Variants in PARD3 observed in about 807,000 individuals in gnomAD.
PARD3 encodes par-3 family cell polarity regulator.
In PARD3, 75 loss-of-function variants were observed where a neutral mutation model predicts 155.4. The observed-to-expected ratio is 0.48, with a 90% CI of 0.40 to 0.58. The LOEUF (loss-of-function observed/expected upper bound fraction) is 0.58, where lower values mean the gene tolerates loss of function less well. PARD3 is among the 20% of genes least tolerant of loss of function. PARD3 has a pLI of 0.00. For synonymous variants in PARD3, 576 were observed against 610.5 expected (o/e 0.94, Z 0.83); for missense variants, 1,642 against 1,721.7 (o/e 0.95, Z 0.82).
chr10:34,619,397 T>TA (rs1477023310), intron 2 of PARD3, among the ~76,000 whole-genome samples: 1 of 152,130 alleles, frequency 6.6e-6, no homozygotes, highest in African/African-American at 2.4e-5. Flanking sequence ...CACCTTCTCC[T>TA]AAAAAATTGT....
chr10:34,697,162 A>T (rs953595527), intron 1 of PARD3, among the ~76,000 whole-genome samples: 1 of 152,228 alleles, frequency 6.6e-6, no homozygotes, highest in South Asian at 2.1e-4. Context: ...CGTATATTTT[A>T]AAATCCTTAA....
At chr10:34,417,061 C>A (rs1321821471) in intron 5 of PARD3, among the ~76,000 whole-genome samples, 1 of 152,174 alleles carries the variant, frequency 6.6e-6, no homozygotes, top group South Asian at 2.1e-4. Context: ...ATGGTTCCCA[C>A]ACCCCTATGA....
chr10:34,344,567 C>A (rs1837202985), intron 15 of PARD3: 1 of 984,064 alleles, frequency 1.0e-6, no homozygotes, highest in Middle Eastern at 5.2e-4. Flanking sequence ...CAGGCATAAG[C>A]CACTGTGCCC....
intron 22 of PARD3, among the ~76,000 whole-genome samples, chr10:34,241,756 C>T (rs939089897): frequency 9.9e-5 from 15 of 152,038 alleles, no homozygotes; most frequent in African/African-American, 2.4e-4. Context: ...CAGGAGGGAG[C>T]GAGGTCTCAA....
intron 5 of PARD3, among the ~76,000 whole-genome samples, chr10:34,413,404 GGTCTTTT>G: frequency 2.0e-5 from 3 of 150,810 alleles, no homozygotes; most frequent in East Asian, 3.9e-4. Flanking sequence ...AAGTCAGCTC[GGTCTTTT>G]GTTATTCAGA....
intron 1 of PARD3, among the ~76,000 whole-genome samples, chr10:34,736,328 C>T (rs1415527681): frequency 3.6e-5 from 4 of 111,182 alleles, no homozygotes; most frequent in African/African-American, 1.2e-4. Flanking sequence ...CTGCGCCTGG[C>T]CCTTTTTTTT....
chr10:34,639,333 T>C (rs1417815974), intron 2 of PARD3, among the ~76,000 whole-genome samples: 4 of 151,336 alleles, frequency 2.6e-5, no homozygotes, highest in East Asian at 3.9e-4. Flanking sequence ...GAGGCAAAGG[T>C]TGCTGTGAGC....
At chr10:34,490,825 A>G (rs2079851246) in intron 3 of PARD3, among the ~76,000 whole-genome samples, 1 of 152,146 alleles carries the variant, frequency 6.6e-6, no homozygotes, top group South Asian at 2.1e-4. Flanking sequence ...CTAACACTTC[A>G]CCAGTCATTA....
chr10:34,559,945 T>G (rs1355667163), intron 2 of PARD3, among the ~76,000 whole-genome samples: 2 of 152,046 alleles, frequency 1.3e-5, no homozygotes, highest in Admixed American at 1.3e-4. Context: ...TTAAAATGAG[T>G]CAGTGAAGAG....
Position 34,331,298 on chromosome 10 carries a change from T to G in PARD3, c.2652A>C (p.Ser884=). 1 of 1,613,980 alleles carries G rather than the reference T, an allele frequency of 6.2e-7. No individual in the cohort carries two copies. The highest frequency in any genetic ancestry group is 1.3e-5 in the African/African-American group (1 of 75,002). ...CGGTCTGCAGACTCTCCAACGAGCT[T>G]GACTTCTTCAGACCCAGGGAAGGAC... is the stretch of plus-strand genomic sequence containing the variant. The part of the protein sequence containing the change: ...DVGPSLGLKK[S]SSLESLQTAV... The change falls in exon 19 of 25, where the codon TCA becomes TCC. Residue 884 remains serine (S), a synonymous_variant. Coordinates refer to ENST00000374788, the MANE Select transcript of PARD3 (RefSeq NM_001184785.2).
intron 20 of PARD3, among the ~76,000 whole-genome samples, chr10:34,306,660 T>C (rs1003901022): frequency 6.6e-6 from 1 of 151,200 alleles, no homozygotes; most frequent in South Asian, 2.1e-4. Context: ...AAAATAATAA[T>C]AACAATAATT....
chr10:34,761,215 A>C (rs1282744777), intron 1 of PARD3, among the ~76,000 whole-genome samples: 2 of 152,040 alleles, frequency 1.3e-5, no homozygotes, highest in Non-Finnish European at 2.9e-5. Flanking sequence ...GTTTGAGACC[A>C]GCCTGGCCAA....
chr10:34,227,851 ATTTT>A (rs995113507), intron 22 of PARD3, among the ~76,000 whole-genome samples: 753 of 32,618 alleles, frequency 0.023, 69 homozygotes, highest in African/African-American at 0.079. Context: ...AATGGGAATT[ATTTT>A]TTATATATAT....
At chr10:34,689,368 T>C (rs114687147) in intron 2 of PARD3, among the ~76,000 whole-genome samples, 1,888 of 152,326 alleles carry the variant, frequency 0.012, 37 homozygotes, top group African/African-American at 0.043. Flanking sequence ...CTAGGTGTTG[T>C]GAGTCTAAGC....
chr10:34,136,503 T>C (rs997898739), intron 22 of PARD3, among the ~76,000 whole-genome samples: 4 of 152,130 alleles, frequency 2.6e-5, no homozygotes, highest in Non-Finnish European at 5.9e-5. Context: ...CCACTCTTTT[T>C]TTAAAGTAAG....
chr10:34,262,156 A>G (rs958016635), intron 22 of PARD3, among the ~76,000 whole-genome samples: 4 of 152,170 alleles, frequency 2.6e-5, no homozygotes, highest in Admixed American at 6.5e-5. Context: ...GAATCAAAAT[A>G]TCTATGAGGG....
At chr10:34,131,814 C>CT (rs34722644) in intron 22 of PARD3, among the ~76,000 whole-genome samples, 99 of 147,774 alleles carry the variant, frequency 6.7e-4, no homozygotes, top group African/African-American at 9.9e-4. Flanking sequence ...TTTAGATATT[C>CT]TTTTTTTTTT....
At chr10:34,353,040 T>G (rs1838326903) in intron 14 of PARD3, among the ~76,000 whole-genome samples, 1 of 149,916 alleles carries the variant, frequency 6.7e-6, no homozygotes, top group Non-Finnish European at 1.5e-5. Context: ...GGCCGCCCCG[T>G]CTGAGAAGTG....
intron 1 of PARD3, among the ~76,000 whole-genome samples, chr10:34,789,545 A>T (rs560667308): frequency 2.0e-5 from 3 of 152,046 alleles, no homozygotes; most frequent in East Asian, 3.9e-4. Flanking sequence ...AAAAAAAAAA[A>T]TACAAAAAGT....
Sources: allele counts gnomAD v4.1 joint callset (sites outside exome capture counted in the v4.1 genomes callset), GRCh38; gene constraint gnomAD v4.1.1; transcripts MANE v1.5; gene names NCBI Gene and HGNC (gene_info 2026-07-23, HGNC 2026-07-21).